The following KAZN variants were observed in gnomAD, a reference collection of about 807,000 sequenced individuals.
KAZN encodes the protein kazrin.
Under a neutral mutation model 87.4 loss-of-function variants are expected in KAZN, and 40 were observed. The ratio of observed to expected loss-of-function variants is 0.46; its 90% CI spans 0.36 to 0.60. The LOEUF (loss-of-function observed/expected upper bound fraction) is 0.60, where lower values mean the gene tolerates loss of function less well. Among genes scored for constraint, KAZN ranks in the 20% least tolerant of loss-of-function variants. The pLI, the probability that KAZN is intolerant of heterozygous loss-of-function variation, is 0.00. For synonymous variants in KAZN, 466 were observed against 458.3 expected (o/e 1.02, Z -0.22); for missense variants, 898 against 1,073.9 (o/e 0.84, Z 2.29).
intron 1 of KAZN, among the ~76,000 whole-genome samples, chr1:14,874,519 T>TGGAC (rs60411068): frequency 0.037 from 5,300 of 144,582 alleles, 193 homozygotes; most frequent in South Asian, 0.18. Context: ...GATGGATGGA[T>TGGAC]GGACAGATGG....
intron 2 of KAZN, among the ~76,000 whole-genome samples, chr1:14,569,738 G>A (rs1479648045): frequency 6.6e-6 from 1 of 152,112 alleles, no homozygotes; most frequent in African/African-American, 2.4e-5. Context: ...TCAGCCAGGA[G>A]GGCATCCTTA....
rs535497383 is a variant in KAZN at position 14,409,483 on chromosome 1, A to G, written c.250-189500A>G. On this transcript the variant is annotated intron_variant, in intron 2 of 16. Coordinates refer to the KAZN transcript ENST00000636203. ...AAACAAAATTATTGTCTGAAAATTC[A>G]TACCAAGAACTTGATCTCACATAAG... Among the ~76,000 whole-genome samples, 5 of 152,338 alleles carry G rather than the reference A, an allele frequency of 3.3e-5. No individual in the cohort carries two copies. The East Asian group carries it at 7.7e-4, about 23-fold the overall frequency.
intron 2 of KAZN, among the ~76,000 whole-genome samples, chr1:14,464,609 G>T (rs1668019615): frequency 6.6e-6 from 1 of 151,672 alleles, no homozygotes; most frequent in Non-Finnish European, 1.5e-5. Context: ...CGTGATTTCA[G>T]CTCACTGCAA....
intron 2 of KAZN, among the ~76,000 whole-genome samples, chr1:14,993,066 A>G (rs990081102): frequency 1.3e-5 from 2 of 151,032 alleles, no homozygotes; most frequent in African/African-American, 4.9e-5. Flanking sequence ...GCCTCAAGCA[A>G]TTTGCCCACC....
At chr1:15,027,338 C>T (rs1281365689) in intron 2 of KAZN, among the ~76,000 whole-genome samples, 1 of 151,490 alleles carries the variant, frequency 6.6e-6, no homozygotes, top group Non-Finnish European at 1.5e-5. Flanking sequence ...CCTCGGCCTC[C>T]CAAAATGCTG....
chr1:14,591,857 A>G (rs537894785), intron 2 of KAZN, among the ~76,000 whole-genome samples: 1 of 152,244 alleles, frequency 6.6e-6, no homozygotes, highest in Admixed American at 6.5e-5. Flanking sequence ...ATAGATTTCC[A>G]TCTTATAGCT....
chr1:14,301,906 C>G (rs992343052), intron 2 of KAZN, among the ~76,000 whole-genome samples: 3 of 152,160 alleles, frequency 2.0e-5, no homozygotes, highest in Admixed American at 6.5e-5. Context: ...TCCTTCCTAT[C>G]ACATCACCTT....
chr1:13,972,466 C>CA (rs1642174962), intron 1 of KAZN, among the ~76,000 whole-genome samples: 2 of 152,056 alleles, frequency 1.3e-5, no homozygotes, highest in African/African-American at 4.8e-5. Flanking sequence ...TTGCTATGAG[C>CA]CCAACAGCCA....
chr1:14,389,957 T>C (rs933672853), intron 2 of KAZN, among the ~76,000 whole-genome samples: 13 of 152,186 alleles, frequency 8.5e-5, no homozygotes, highest in African/African-American at 3.1e-4. Context: ...TGTATCAAAA[T>C]AGCTCATGGA....
In KAZN at chr1:14,534,813, A is replaced by G. The variant is rs76455388; in HGVS notation, c.250-64170A>G. Among the ~76,000 whole-genome samples, 29 of 152,152 alleles carry G rather than the reference A, an allele frequency of 1.9e-4. No individual in the cohort carries two copies. The East Asian group carries it at 5.4e-3, about 28-fold the overall frequency. On this transcript the variant is annotated intron_variant, in intron 2 of 16. Transcript: ENST00000636203. ...CTTTAGCAAGTCCCTGTGCAACTCAAAATCTCTGGTTCTATCAGCGTTTTG... is the reference window on the plus strand; with the variant it reads ...CTTTAGCAAGTCCCTGTGCAACTCAGAATCTCTGGTTCTATCAGCGTTTTG...
At chr1:14,660,764 C>A in intron 1 of KAZN, among the ~76,000 whole-genome samples, 1 of 152,170 alleles carries the variant, frequency 6.6e-6, no homozygotes, top group Non-Finnish European at 1.5e-5. Flanking sequence ...AGCGAAATAA[C>A]CAGGCGGCTG....
intron 2 of KAZN, among the ~76,000 whole-genome samples, chr1:14,538,229 C>T (rs1672613088): frequency 6.6e-6 from 1 of 152,058 alleles, no homozygotes. Context: ...TTCTGTGTGC[C>T]TTGCTTCAGT....
At chr1:14,568,506 A>G (rs1257191714) in intron 2 of KAZN, among the ~76,000 whole-genome samples, 1 of 152,192 alleles carries the variant, frequency 6.6e-6, no homozygotes, top group African/African-American at 2.4e-5. Flanking sequence ...GCAAGAGAGA[A>G]CATGTGCAGG....
intron 2 of KAZN, among the ~76,000 whole-genome samples, chr1:14,283,592 A>G (rs1275158017): frequency 1.3e-5 from 2 of 152,214 alleles, no homozygotes; most frequent in South Asian, 4.1e-4. Context: ...AGGTAATAGC[A>G]AGTGTTGAAG....
At chr1:14,396,660 G>T (rs1291681165) in intron 2 of KAZN, among the ~76,000 whole-genome samples, 1 of 152,190 alleles carries the variant, frequency 6.6e-6, no homozygotes, top group Admixed American at 6.5e-5. Flanking sequence ...ATCTAAAATT[G>T]AGAAGCAGGC....
At chr1:14,267,341 C>A (rs1415467519) in intron 2 of KAZN, among the ~76,000 whole-genome samples, 2 of 132,126 alleles carry the variant, frequency 1.5e-5, no homozygotes, top group Non-Finnish European at 1.6e-5. Context: ...ATAAAATACA[C>A]TAACAATAGC....
At chr1:14,750,044 G>A (rs1389433533) in intron 1 of KAZN, among the ~76,000 whole-genome samples, 2 of 152,114 alleles carry the variant, frequency 1.3e-5, no homozygotes, top group Non-Finnish European at 2.9e-5. Flanking sequence ...GCAAAAACCA[G>A]TGACATCTGA....
At chr1:14,954,708 G>A (rs1404725967) in intron 1 of KAZN, among the ~76,000 whole-genome samples, 1 of 152,130 alleles carries the variant, frequency 6.6e-6, no homozygotes. Context: ...TGTAATCCCA[G>A]CACTTTGGGA....
chr1:14,620,230 A>G (rs1247083798), intron 1 of KAZN, among the ~76,000 whole-genome samples: 1 of 152,246 alleles, frequency 6.6e-6, no homozygotes, highest in Non-Finnish European at 1.5e-5. Flanking sequence ...TAATTTTGAA[A>G]TTGTTTGAGA....
Sources: gnomAD v4.1 joint callset for allele counts (sites outside exome capture counted in the v4.1 genomes callset) on GRCh38, gnomAD v4.1.1 for gene constraint, MANE v1.5 for transcripts, NCBI Gene and HGNC (gene_info 2026-07-23, HGNC 2026-07-21) for gene names.